The following GMIP variants were observed in gnomAD, a reference collection of about 807,000 sequenced individuals.
GMIP encodes GEM interacting protein, also known as GEM-interacting protein.
In GMIP, 54 loss-of-function variants were observed where a neutral mutation model predicts 105.3. That is an observed-to-expected ratio of 0.51 (90% confidence interval 0.41 to 0.64). The LOEUF is 0.64. Among genes scored for constraint, GMIP ranks in the 30% least tolerant of loss-of-function variants. GMIP has a pLI of 0.00. For missense variants in GMIP, 1,110 were observed against 1,319.4 expected, an observed-to-expected ratio of 0.84 and a Z score of 2.46; for synonymous variants, 541 against 560.8, an observed-to-expected ratio of 0.96 and a Z score of 0.50.
chr19:19,634,730 C>T lies in GMIP; in HGVS notation c.1888-27G>A, dbSNP rs548834718. Reference sequence around the variant, plus strand: ...TGGGGGTGGAACGGAGGGCGCAACACGAGTGTGGGTGGGCTGTGGAGGGCT... The same window carrying T: ...TGGGGGTGGAACGGAGGGCGCAACATGAGTGTGGGTGGGCTGTGGAGGGCT... On this transcript the variant is annotated intron_variant, in intron 17 of 20. Transcript: ENST00000203556. This position sits in a 1 kb window ranked among gnomAD's most constrained non-coding sequence, Gnocchi z 6.1. 82 of 1,608,880 alleles carry T rather than the reference C, an allele frequency of 5.1e-5. No individual in the cohort carries two copies. Among genetic ancestry groups the T allele is most frequent in the Non-Finnish European group, 6.6e-5 (78 of 1,176,404 alleles).
At chr19:19,633,692 G>A (rs1267502576) in intron 19 of GMIP, 111 bp downstream of exon 19, 1 of 743,596 alleles carries the variant, frequency 1.3e-6, no homozygotes, top group East Asian at 2.9e-5. Context: ...AATGAGGAAG[G>A]GAGGAAGAGA....
At position 19,630,322 on chromosome 19, in the gene GMIP, G is replaced by A. The variant is rs185209828; in HGVS notation, c.2554C>T (p.Pro852Ser). Residue 852 changes from proline (P) to serine (S), a missense_variant, in exon 21 of 21, where the codon CCA becomes TCA. Coordinates refer to ENST00000203556, the MANE Select transcript of GMIP (RefSeq NM_016573.4). This position sits in a 1 kb window ranked among gnomAD's most constrained non-coding sequence, Gnocchi z 4.8. The part of the protein sequence containing the change: ...DGGGEVSSQG[P>S]EDSLLGTQSR... ...TGTGTCCCCAGGAGTGAGTCCTCTG[G>A]GCCTTGGCTGGACACTGTGTACGGG... 1.1e-5 allele frequency: 17 copies of A among 1,539,114 alleles called. No individual in the cohort carries two copies. In the Admixed American group the frequency reaches 3.2e-4, roughly 29 times the overall value.
At position 19,637,703 on chromosome 19, in the gene GMIP, G is replaced by T. The variant is rs1239383220; in HGVS notation, c.928-142C>A. The T allele has an allele frequency of 2.4e-6, 2 of 835,872 alleles. No homozygotes were observed. The highest frequency in any genetic ancestry group is 3.6e-6 in the Non-Finnish European group (2 of 558,558). The allele number at this position is 835,872 out of a possible 1,614,324, so 51.8% of individuals were successfully genotyped here. A position where few individuals can be genotyped will look rare whatever the true frequency, so the allele number is the denominator to read the frequency against. Reference sequence around the variant, plus strand: ...GGCGGCTTAGGAACTAGGGCAGTCGGCCAGGGGACCCAGGCATGGTCAGAG... The same window carrying T: ...GGCGGCTTAGGAACTAGGGCAGTCGTCCAGGGGACCCAGGCATGGTCAGAG... On this transcript the variant is annotated intron_variant, in intron 10 of 20. Coordinates refer to ENST00000203556, the MANE Select transcript of GMIP (RefSeq NM_016573.4). This position sits in a 1 kb window ranked among gnomAD's most constrained non-coding sequence, Gnocchi z 6.7.
At position 19,637,658 on chromosome 19, in the gene GMIP, C is replaced by T. The variant is rs1392625433; in HGVS notation, c.928-97G>A. On this transcript the variant is annotated intron_variant, in intron 10 of 20. Transcript: ENST00000203556. This position sits in a 1 kb window ranked among gnomAD's most constrained non-coding sequence, Gnocchi z 6.7. ...GGGGCTTGAGAGACGCGAACGTGGT[C>T]AGGGTTTGGGACGCACCTGGGCGGC... The T allele has an allele frequency of 9.2e-7, 1 of 1,088,436 alleles. No homozygotes were observed. The highest frequency in any genetic ancestry group is 1.3e-6 in the Non-Finnish European group (1 of 790,484). 67.4% of individuals were successfully genotyped at this position (1,088,436 alleles called of 1,614,324 possible). A position where few individuals can be genotyped will look rare whatever the true frequency, so the allele number is the denominator to read the frequency against.
In GMIP at chr19:19,637,380, A is replaced by T; in HGVS notation, c.1109T>A (p.Leu370His). ...PPPAFSFQEF[L>H]PSLNSSPLDI... ...AGTGACCCACCTGTTCAAGGAGGGA[A>T]GGAACTCCTGGAAGGAGAAGGCGGG... Residue 370 changes from leucine to histidine, a missense_variant, in exon 11 of 21, where the codon CTT becomes CAT. Leu to His is a moderately conservative substitution (Grantham distance 99). Transcript: ENST00000203556. The surrounding 1 kb of genome is among the most constrained non-coding windows in gnomAD (Gnocchi z 6.7). The T allele has an allele frequency of 6.7e-7, 1 of 1,503,214 alleles. No homozygotes were observed. The highest frequency in any genetic ancestry group is 1.3e-5 in the South Asian group (1 of 74,190). 93.1% of individuals were successfully genotyped at this position (1,503,214 alleles called of 1,614,324 possible).
At position 19,634,763 on chromosome 19, in the gene GMIP, G is replaced by T. The variant is rs1036735824; in HGVS notation, c.1887+29C>A. The T allele has an allele frequency of 2.5e-6, 4 of 1,611,878 alleles. No individual in the cohort carries two copies. The highest frequency in any genetic ancestry group is 3.4e-6 in the Non-Finnish European group (4 of 1,178,642). On this transcript the variant is annotated intron_variant, in intron 17 of 20. Transcript: ENST00000203556. This position sits in a 1 kb window ranked among gnomAD's most constrained non-coding sequence, Gnocchi z 6.1. ...GGTGGGCTGTGGAGGGCTCCTGCCC[G>T]CGTCCCCCTCAGTGTCCTGAGCACC... is the stretch of plus-strand genomic sequence containing the variant.
chr19:19,634,301 T>G lies in GMIP; in HGVS notation c.2085-111A>C. 2 of 1,215,094 alleles carry G rather than the reference T, an allele frequency of 1.6e-6. No individual in the cohort carries two copies. Among genetic ancestry groups the G allele is most frequent in the East Asian group, 2.5e-5 (1 of 39,490 alleles). The allele number at this position is 1,215,094 out of a possible 1,614,324, so 75.3% of individuals were successfully genotyped here. On this transcript the variant is annotated intron_variant, in intron 18 of 20. Coordinates refer to ENST00000203556, the MANE Select transcript of GMIP (RefSeq NM_016573.4). The surrounding 1 kb of genome is among the most constrained non-coding windows in gnomAD (Gnocchi z 6.1). ...AGAGGTGACTTGCCCATGTCACAGG[T>G]GTAAGTCGTCTGAGACCAGCAGCCA...
At chr19:19,639,371 G>A (rs1316315030) in intron 7 of GMIP, among the ~76,000 whole-genome samples, 1 of 150,568 alleles carries the variant, frequency 6.6e-6, no homozygotes, top group East Asian at 2.0e-4. Flanking sequence ...ATGAGCCACC[G>A]TGCCAGGCTG....
chr19:19,634,476 C>T lies in GMIP; in HGVS notation c.2084+31G>A, dbSNP rs370772118. ...TAGTCGCATGTCCAGGGAAAAGGGTCGCGTTTCAAGGCTCAGGGACCCATG... is the reference window on the plus strand; with the variant it reads ...TAGTCGCATGTCCAGGGAAAAGGGTTGCGTTTCAAGGCTCAGGGACCCATG... On this transcript the variant is annotated intron_variant, in intron 18 of 20. Coordinates refer to ENST00000203556, the MANE Select transcript of GMIP (RefSeq NM_016573.4). The surrounding 1 kb of genome is among the most constrained non-coding windows in gnomAD (Gnocchi z 6.1). The T allele has an allele frequency of 3.5e-5, 54 of 1,562,628 alleles. No homozygotes were observed. The highest frequency in any genetic ancestry group is 2.1e-4 in the South Asian group (18 of 85,948).
rs369872470 is a variant in GMIP at position 19,634,779 on chromosome 19, C to A, written c.1887+13G>T. The A allele has an allele frequency of 4.3e-6, 7 of 1,613,546 alleles. No individual in the cohort carries two copies. In the African/African-American group the frequency reaches 9.3e-5, roughly 22 times the overall value. ...CTCCTGCCCGCGTCCCCCTCAGTGT[C>A]CTGAGCACCAACCTCCTGAAGAAAT... On this transcript the variant is annotated intron_variant, in intron 17 of 20. Coordinates refer to ENST00000203556, the MANE Select transcript of GMIP (RefSeq NM_016573.4). This position sits in a 1 kb window ranked among gnomAD's most constrained non-coding sequence, Gnocchi z 6.1.
At position 19,634,115 on chromosome 19, in the gene GMIP, C is replaced by T; in HGVS notation, c.2160G>A (p.Arg720=). ...TGGCTGCCCGCGGGCCGTCCGGCGGCCGCAGCAGTGTCGGCCCAAACACAA... is the reference window on the plus strand; with the variant it reads ...TGGCTGCCCGCGGGCCGTCCGGCGGTCGCAGCAGTGTCGGCCCAAACACAA... ...LGIVFGPTLL[R]PPDGPRAASA... Residue 720 remains arginine (R), a synonymous_variant, in exon 19 of 21, where the codon CGG becomes CGA. Coordinates refer to ENST00000203556, the MANE Select transcript of GMIP (RefSeq NM_016573.4). The surrounding 1 kb of genome is among the most constrained non-coding windows in gnomAD (Gnocchi z 6.1). 2 of 1,612,558 alleles carry T rather than the reference C, an allele frequency of 1.2e-6. No individual in the cohort carries two copies. The highest frequency in any genetic ancestry group is 1.7e-6 in the Non-Finnish European group (2 of 1,179,470).
At chr19:19,631,333 C>A (rs1197953476) in intron 19 of GMIP, among the ~76,000 whole-genome samples, 2 of 152,210 alleles carry the variant, frequency 1.3e-5, no homozygotes, top group African/African-American at 4.8e-5. Context: ...TGGCTCAGCC[C>A]TCTCCACATT....
At chr19:19,636,296 G>A (rs1273537529) in intron 13 of GMIP, among the ~76,000 whole-genome samples, 1 of 152,042 alleles carries the variant, frequency 6.6e-6, no homozygotes, top group Non-Finnish European at 1.5e-5. Flanking sequence ...ACCGAGGCAG[G>A]TGGATCACCT....
At chr19:19,641,698 C>T in intron 4 of GMIP, 112 bp downstream of exon 4, 1 of 814,214 alleles carries the variant, frequency 1.2e-6, no homozygotes, top group Non-Finnish European at 2.1e-6. Flanking sequence ...GTGTGTACTG[C>T]CATATTCCCA....
chr19:19,632,591 C>G (rs759621507), intron 19 of GMIP, among the ~76,000 whole-genome samples: 3 of 152,210 alleles, frequency 2.0e-5, no homozygotes, highest in Non-Finnish European at 4.4e-5. Flanking sequence ...ATTAACTGCT[C>G]AGAGCCTTCA....
rs960965214 is a variant in GMIP, at chr19:19,634,662, G to T, written c.1929C>A (p.Phe643Leu). ...CATGCAAGGTCTTAGCCAGAGAGATGAAGGCGTCGTAGAGGTGGAAGGGGA... is the reference window on the plus strand; with the variant it reads ...CATGCAAGGTCTTAGCCAGAGAGATTAAGGCGTCGTAGAGGTGGAAGGGGA... ...PVIPFHLYDA[F>L]ISLAKTLHAD... is the part of the protein sequence containing the mutation. Residue 643 changes from phenylalanine (F) to leucine (L), a missense_variant, in exon 18 of 21, where the codon TTC becomes TTA. Phe to Leu is a conservative substitution (Grantham distance 22, BLOSUM62 0). This residue lies in a region of GMIP where 394 missense variants were observed against 450.5 expected (regional missense o/e 0.87). Coordinates refer to ENST00000203556, the MANE Select transcript of GMIP (RefSeq NM_016573.4). The surrounding 1 kb of genome is among the most constrained non-coding windows in gnomAD (Gnocchi z 6.1). The T allele has an allele frequency of 1.2e-6, 2 of 1,612,430 alleles. No individual in the cohort carries two copies. The highest frequency in any genetic ancestry group is 1.7e-6 in the Non-Finnish European group (2 of 1,179,154).
In GMIP at chr19:19,638,270, G is replaced by T. The variant is rs2061879107; in HGVS notation, c.678C>A (p.Asp226Glu). The T allele has an allele frequency of 6.2e-7, 1 of 1,607,814 alleles. No individual in the cohort carries two copies. Among genetic ancestry groups the T allele is most frequent in the Non-Finnish European group, 8.5e-7 (1 of 1,179,758 alleles). The change falls in exon 9 of 21, where the codon GAC becomes GAA. Residue 226 changes from aspartate (D) to glutamate (E), a missense_variant. Asp to Glu is a conservative substitution (Grantham distance 45, BLOSUM62 2). Around this residue, in one of 3 missense-constraint regions of GMIP, gnomAD observed 667 missense variants for 773.2 expected, o/e 0.86. Transcript: ENST00000203556. ...AQLQYVQRSEDLRARSQGSPE... is the reference protein window; with the variant it reads ...AQLQYVQRSEELRARSQGSPE... ...GGGACCCCTGGGAGCGTGCCCGCAG[G>T]TCCTCGCTGCGTTGCACATACTGCA...
rs370305251 is a variant in GMIP, at chr19:19,635,123, C to T, written c.1651G>A (p.Val551Ile). 1.9e-6 allele frequency: 3 copies of T among 1,613,866 alleles called. No individual in the cohort carries two copies. Among genetic ancestry groups the T allele is most frequent in the African/African-American group, 1.3e-5 (1 of 74,910 alleles). Residue 551 changes from valine (V) to isoleucine (I), a missense_variant, in exon 16 of 21, where the codon GTT becomes ATT. By Grantham distance (29) the Val-to-Ile change is conservative. Transcript: ENST00000203556. This position sits in a 1 kb window ranked among gnomAD's most constrained non-coding sequence, Gnocchi z 4.7. ...RLPARTPLFG[V>I]DFLQLPRDFP... is the part of the protein sequence containing the mutation. ...TCCCTGGGTAGCTGCAGGAAGTCAA[C>T]CCCAAAAAGGGGTGTCCGGGCTGGG... is the stretch of plus-strand genomic sequence containing the variant.
intron 4 of GMIP, 69 bp downstream of exon 4, chr19:19,641,741 A>G: frequency 9.3e-7 from 1 of 1,078,020 alleles, no homozygotes; most frequent in Non-Finnish European, 1.4e-6. Context: ...GGAACAGGGG[A>G]TCAGTGGTGA....
Sources: allele counts gnomAD v4.1 joint callset (sites outside exome capture counted in the v4.1 genomes callset), GRCh38; gene constraint gnomAD v4.1.1; regional missense constraint gnomAD v4.1.1; non-coding constraint Gnocchi (gnomAD v3.1); transcripts MANE v1.5; gene names NCBI Gene and HGNC (gene_info 2026-07-23, HGNC 2026-07-21).